The following CDH8 variants were observed in gnomAD, a reference collection of about 807,000 sequenced individuals.
CDH8 encodes the protein cadherin 8.
In CDH8, 17 loss-of-function variants were observed where a neutral mutation model predicts 68.1. The observed-to-expected ratio is 0.25, with a 90% CI of 0.17 to 0.37. CDH8 has a LOEUF of 0.37. Ranked by LOEUF, CDH8 falls within the 10% of genes least tolerant of loss-of-function variation. The probability of loss-of-function intolerance (pLI) is 1.00; values close to 1 mark genes in which losing one functional copy is unlikely to be tolerated. For missense variants in CDH8, 763 were observed against 999.3 expected (o/e 0.76, Z 3.19); for synonymous variants, 372 against 365.1 (o/e 1.02, Z -0.21).
chr16:61,717,237 G>T (rs762518256), intron 9 of CDH8, among the ~76,000 whole-genome samples: 2 of 151,506 alleles, frequency 1.3e-5, no homozygotes, highest in Non-Finnish European at 3.0e-5. Flanking sequence ...CAATTTTAAG[G>T]AAAGCTGAAA....
chr16:61,740,711 C>T (rs1374531079), intron 8 of CDH8, among the ~76,000 whole-genome samples: 1 of 152,108 alleles, frequency 6.6e-6, no homozygotes, highest in Non-Finnish European at 1.5e-5. Context: ...CATATAGTTG[C>T]AGCAGTACAT....
chr16:61,821,820 G>A (rs938006688), intron 5 of CDH8, among the ~76,000 whole-genome samples: 1 of 151,992 alleles, frequency 6.6e-6, no homozygotes, highest in African/African-American at 2.4e-5. Flanking sequence ...CACTTTAGTT[G>A]TTATACTGCT....
intron 9 of CDH8, chr16:61,714,248 T>A (rs1052934647): frequency 1.6e-5 from 5 of 321,014 alleles, no homozygotes; most frequent in Non-Finnish European, 2.9e-5. Context: ...CACTGGGCAA[T>A]TACAGGTTTC....
chr16:61,944,352 A>G (rs1964768548), intron 2 of CDH8, among the ~76,000 whole-genome samples: 1 of 152,202 alleles, frequency 6.6e-6, no homozygotes, highest in South Asian at 2.1e-4. Flanking sequence ...TGCTGCTTTG[A>G]ATTCAGATAC....
intron 3 of CDH8, among the ~76,000 whole-genome samples, chr16:61,879,488 T>C (rs1213582607): frequency 6.6e-6 from 1 of 152,188 alleles, no homozygotes; most frequent in East Asian, 1.9e-4. Context: ...AACACCAAAA[T>C]AGTCATGTAA....
At chr16:61,665,752 T>TTCCTTCCTTCC (rs1963656573) in intron 10 of CDH8, among the ~76,000 whole-genome samples, 1 of 99,670 alleles carries the variant, frequency 1.0e-5, no homozygotes, top group Non-Finnish European at 2.1e-5. Context: ...CTGAATTTAT[T>TTCCTTCCTTCC]TTCCTTCCTT....
At position 61,820,949 on chromosome 16, in the gene CDH8, C is replaced by A; in HGVS notation, c.1000G>T (p.Asp334Tyr). 2 of 1,612,210 alleles carry A rather than the reference C, an allele frequency of 1.2e-6. No individual in the cohort carries two copies. Among genetic ancestry groups the A allele is most frequent in the Non-Finnish European group, 1.7e-6 (2 of 1,178,810 alleles). The change falls in exon 6 of 12, where the codon GAT becomes TAT. Residue 334 changes from aspartate to tyrosine, a missense_variant. This residue lies in a region of CDH8 where 366 missense variants were observed against 563.1 expected (regional missense o/e 0.65). Coordinates refer to ENST00000577390, the MANE Select transcript of CDH8 (RefSeq NM_001796.5). ...ACTTTTCTTAGCCTTATAATGCCAT[C>A]CTGGGCCTGGGCATCAGAAGTGATT... ...FEITSDAQAQ[D>Y]GIIRLRKPLD... is the part of the protein sequence containing the mutation.
chr16:61,822,618 A>G (rs1361469083), intron 5 of CDH8, among the ~76,000 whole-genome samples: 1 of 151,884 alleles, frequency 6.6e-6, no homozygotes, highest in African/African-American at 2.4e-5. Flanking sequence ...ACGAAGTTAT[A>G]GGACTGGGGA....
At chr16:61,989,172 A>C (rs1025119037) in intron 2 of CDH8, among the ~76,000 whole-genome samples, 2 of 152,208 alleles carry the variant, frequency 1.3e-5, no homozygotes, top group African/African-American at 4.8e-5. Context: ...GGAGAAAGAT[A>C]AAATAGATAG....
At chr16:61,722,435 T>TA (rs1362991638) in intron 9 of CDH8, among the ~76,000 whole-genome samples, 3 of 150,878 alleles carry the variant, frequency 2.0e-5, no homozygotes, top group Admixed American at 6.6e-5. Context: ...ATTCTTCTCA[T>TA]AAAATCTCTT....
intron 2 of CDH8, among the ~76,000 whole-genome samples, chr16:61,978,031 T>TC (rs2150580885): frequency 6.6e-6 from 1 of 152,304 alleles, no homozygotes; most frequent in East Asian, 1.9e-4. Context: ...TAGCTTTTTT[T>TC]CATCTACATT....
chr16:61,966,927 A>G (rs1965261332), intron 2 of CDH8, among the ~76,000 whole-genome samples: 1 of 152,134 alleles, frequency 6.6e-6, no homozygotes, highest in African/African-American at 2.4e-5. Context: ...AACATGGGCC[A>G]GGCATGGTGG....
Position 61,768,314 on chromosome 16 carries a change from T to TTCTC in CDH8, c.1414+21028_1414+21031dup, listed in dbSNP as rs1206629963. ...AGGCTCTCTCTCTGTGTCTCTCCCT[T>TTCTC]TCTCTCTCTCTCTCTCTCTCTCTCT... On this transcript the variant is annotated intron_variant, in intron 8 of 11. Transcript: ENST00000577390. Among the ~76,000 whole-genome samples the TTCTC allele has an allele frequency of 2.0e-3, 34 of 17,198 alleles. 2 individuals carry two copies. Among genetic ancestry groups the TTCTC allele is most frequent in the Non-Finnish European group, 2.8e-3 (25 of 8,962 alleles). 11.3% of individuals were successfully genotyped at this position (17,198 alleles called of 152,430 possible).
chr16:61,660,179 G>A (rs1201060009), intron 10 of CDH8, among the ~76,000 whole-genome samples: 1 of 152,048 alleles, frequency 6.6e-6, no homozygotes, highest in South Asian at 2.1e-4. Context: ...AGCCTTCAGA[G>A]GACAGTTCCC....
At chr16:61,879,441 C>T (rs149667912) in intron 3 of CDH8, among the ~76,000 whole-genome samples, 349 of 152,250 alleles carry the variant, frequency 2.3e-3, no homozygotes, top group Non-Finnish European at 3.9e-3. Context: ...AGCAGCCTTG[C>T]CACTCTGGAA....
At chr16:61,678,625 C>A in intron 10 of CDH8, among the ~76,000 whole-genome samples, 1 of 151,852 alleles carries the variant, frequency 6.6e-6, no homozygotes, top group East Asian at 1.9e-4. Flanking sequence ...TTTGCTGCAC[C>A]CATCAACCAA....
chr16:61,700,525 C>G (rs187436168), intron 10 of CDH8, among the ~76,000 whole-genome samples: 1 of 152,104 alleles, frequency 6.6e-6, no homozygotes, highest in Admixed American at 6.5e-5. Context: ...GTGATCCCCC[C>G]ACCTCGGCCT....
intron 4 of CDH8, among the ~76,000 whole-genome samples, chr16:61,840,667 G>C (rs947775342): frequency 6.6e-6 from 1 of 152,056 alleles, no homozygotes. Flanking sequence ...AACTAACTCA[G>C]GAACAGAAAA....
At chr16:61,705,722 AG>A (rs1391271175) in intron 10 of CDH8, among the ~76,000 whole-genome samples, 3 of 151,958 alleles carry the variant, frequency 2.0e-5, no homozygotes, top group Non-Finnish European at 4.4e-5. Context: ...ATGTAAGGCC[AG>A]GTTCACAAAA....
Sources: allele counts gnomAD v4.1 joint callset (sites outside exome capture counted in the v4.1 genomes callset), GRCh38; gene constraint gnomAD v4.1.1; regional missense constraint gnomAD v4.1.1; transcripts MANE v1.5; gene names NCBI Gene and HGNC (gene_info 2026-07-23, HGNC 2026-07-21).